C14orf39: variants seen among roughly 807,000 people sequenced by gnomAD.
C14orf39 encodes chromosome 14 open reading frame 39, also known as protein SIX6OS1.
A neutral mutation model predicts 85.6 loss-of-function variants in C14orf39; 66 were observed. The observed-to-expected ratio is 0.77, with a 90% CI of 0.63 to 0.95. The LOEUF is 0.95. Among genes scored for constraint, C14orf39 ranks in the 40% least tolerant of loss-of-function variants. The pLI, the probability that C14orf39 is intolerant of heterozygous loss-of-function variation, is 0.00. For missense variants in C14orf39, 735 were observed against 663.9 expected (o/e 1.11, Z -1.18); for synonymous variants, 242 against 214.0 (o/e 1.13, Z -1.14).
chr14:60,469,789 G>A, intron 7 of C14orf39, 136 bp from the exon 8 acceptor site: 1 of 413,508 alleles, frequency 2.4e-6, no homozygotes, highest in East Asian at 4.4e-5. Context: ...ATTAAAAACA[G>A]TATCTGAAAA....
chr14:60,471,126 T>C (rs7155442), intron 7 of C14orf39, among the ~76,000 whole-genome samples: 95,051 of 150,944 alleles, frequency 0.63, 30,918 homozygotes, highest in Admixed American at 0.71. Flanking sequence ...TTAACTGGAA[T>C]TTTCTTTGGT....
rs760565947 is a variant in C14orf39, at chr14:60,471,451, G to A, written c.520C>T (p.Pro174Ser). Residue 174 changes from proline to serine, a missense_variant, in exon 7 of 18, where the codon CCC (proline) becomes TCC (serine). By Grantham distance (74) the Pro-to-Ser change is moderately conservative. Coordinates refer to ENST00000321731, the MANE Select transcript of C14orf39 (RefSeq NM_174978.3). ...GTCCATTTAGTAAGTGATGGAAAGG[G>A]AGCAGGCACTGAAAAATAAAGTCAC... ...TIFMKFRVPAPFPSLTKWTLN... is the reference protein window; with the variant it reads ...TIFMKFRVPASFPSLTKWTLN... 6 of 1,599,972 alleles carry A rather than the reference G, an allele frequency of 3.8e-6. No individual in the cohort carries two copies. The highest frequency in any genetic ancestry group is 5.1e-6 in the Non-Finnish European group (6 of 1,173,300).
chr14:60,475,506 G>A (rs1484054510), intron 5 of C14orf39, among the ~76,000 whole-genome samples: 2 of 151,796 alleles, frequency 1.3e-5, no homozygotes, highest in African/African-American at 2.4e-5. Context: ...TTAAATTATT[G>A]AAAAAATCAA....
chr14:60,442,238 G>T (rs1248722239), intron 16 of C14orf39, 107 bp from the exon 17 acceptor site: 1 of 639,770 alleles, frequency 1.6e-6, no homozygotes, highest in Non-Finnish European at 2.7e-6. Flanking sequence ...CAGAATTAAA[G>T]TAGACATATG....
intron 5 of C14orf39, among the ~76,000 whole-genome samples, chr14:60,477,156 C>G (rs1892415781): frequency 6.6e-6 from 1 of 152,128 alleles, no homozygotes; most frequent in Non-Finnish European, 1.5e-5. Context: ...CAAGACAAGT[C>G]TCCTTCACTG....
At position 60,509,329 on chromosome 14, in the gene C14orf39, C is replaced by G; in HGVS notation, c.-144+6066G>C. ...TCAACAAGCGCCTGGCACACTCAGCCAGGCCCGCGGGCATCTGCTGCGTGT... is the reference window on the plus strand; with the variant it reads ...TCAACAAGCGCCTGGCACACTCAGCGAGGCCCGCGGGCATCTGCTGCGTGT... On this transcript the variant is annotated intron_variant, in intron 1 of 5. Coordinates refer to the C14orf39 transcript ENST00000556799. The G allele has an allele frequency of 5.9e-6, 8 of 1,356,210 alleles. 1 individual carries two copies. The highest frequency in any genetic ancestry group is 8.3e-6 in the Non-Finnish European group (8 of 959,860). 84.0% of individuals were successfully genotyped at this position (1,356,210 alleles called of 1,614,324 possible).
chr14:60,464,348 C>G lies in C14orf39; in HGVS notation c.972+1631G>C, dbSNP rs914821522. Among the ~76,000 whole-genome samples, 31 of 152,054 alleles carry G rather than the reference C, an allele frequency of 2.0e-4. 1 individual carries two copies. The highest frequency in any genetic ancestry group is 1.5e-5 in the Non-Finnish European group (1 of 67,988). ...TTATGGCAAGTAAGAGAAAAACAAA[C>G]GTTTATCTTGTTTAAGATGCTATTA... is the stretch of plus-strand genomic sequence containing the variant. On this transcript the variant is annotated intron_variant, in intron 11 of 17. Transcript: ENST00000321731.
intron 2 of C14orf39, among the ~76,000 whole-genome samples, chr14:60,498,903 A>C (rs1276694993): frequency 6.6e-6 from 1 of 152,194 alleles, no homozygotes; most frequent in Non-Finnish European, 1.5e-5. Context: ...ACATTGACAA[A>C]CTGATCTTAA....
At chr14:60,456,026 T>C (rs1319461531) in intron 15 of C14orf39, among the ~76,000 whole-genome samples, 1 of 152,130 alleles carries the variant, frequency 6.6e-6, no homozygotes, top group East Asian at 1.9e-4. Flanking sequence ...ATGAGTTCCA[T>C]TTCGAATGTG....
chr14:60,492,709 G>A (rs974399678), intron 2 of C14orf39, among the ~76,000 whole-genome samples: 1 of 152,110 alleles, frequency 6.6e-6, no homozygotes, highest in Non-Finnish European at 1.5e-5. Flanking sequence ...CTTGAACCTG[G>A]GAGGCGGAAG....
At position 60,456,898 on chromosome 14, in the gene C14orf39, T is replaced by A; in HGVS notation, c.1358+19A>T. The A allele has an allele frequency of 6.5e-7, 1 of 1,531,146 alleles. No individual in the cohort carries two copies. Among genetic ancestry groups the A allele is most frequent in the Non-Finnish European group, 8.8e-7 (1 of 1,137,890 alleles). The allele number at this position is 1,531,146 out of a possible 1,614,324, so 94.8% of individuals were successfully genotyped here. On this transcript the variant is annotated intron_variant, in intron 15 of 17. Transcript: ENST00000321731. ...CAACATACAAATAATTTAACAATAG[T>A]TATTAATTAAAATCCTACATTTCGA...
At chr14:60,468,424 A>T in intron 9 of C14orf39, 21 bp downstream of exon 9, 1 of 1,434,146 alleles carries the variant, frequency 7.0e-7, no homozygotes, top group Non-Finnish European at 9.5e-7. Flanking sequence ...CATAAAATTT[A>T]ATTTTAAAGG....
At chr14:60,455,647 A>G (rs1891240169) in intron 15 of C14orf39, among the ~76,000 whole-genome samples, 1 of 152,078 alleles carries the variant, frequency 6.6e-6, no homozygotes, top group Non-Finnish European at 1.5e-5. Flanking sequence ...ATTAGACAAG[A>G]CAGTTTATAC....
intron 1 of C14orf39, among the ~76,000 whole-genome samples, chr14:60,485,464 C>A (rs1892840182): frequency 6.6e-6 from 1 of 152,208 alleles, no homozygotes; most frequent in South Asian, 2.1e-4. Flanking sequence ...CCCTTGGTGG[C>A]GTGTGTACAA....
intron 16 of C14orf39, among the ~76,000 whole-genome samples, chr14:60,443,740 A>G (rs1231732311): frequency 1.3e-5 from 2 of 152,336 alleles, no homozygotes; most frequent in African/African-American, 4.8e-5. Context: ...CCTGACTCCC[A>G]TGTAGCCTGA....
chr14:60,438,467 A>G (rs192631689), intron 17 of C14orf39, among the ~76,000 whole-genome samples: 2 of 152,260 alleles, frequency 1.3e-5, no homozygotes, highest in Non-Finnish European at 2.9e-5. Context: ...TTAATTTCAC[A>G]AGAAGTTCAT....
Position 60,468,611 on chromosome 14 carries a change from G to GT in C14orf39, c.676-76dup, listed in dbSNP as rs1275055354. On this transcript the variant is annotated intron_variant, in intron 8 of 17. Transcript: ENST00000321731. ...TAAAAAAAGATATGCTTTATCTTATGTTTTTTCTATATAATCATAAGATTC... is the reference window on the plus strand; with the variant it reads ...TAAAAAAAGATATGCTTTATCTTATGTTTTTTTCTATATAATCATAAGATTC... 36 of 765,580 alleles carry GT rather than the reference G, an allele frequency of 4.7e-5. No individual in the cohort carries two copies. In the Middle Eastern group the frequency reaches 2.5e-3, roughly 54 times the overall value. The allele number at this position is 765,580 out of a possible 1,614,324, so 47.4% of individuals were successfully genotyped here. A position where few individuals can be genotyped will look rare whatever the true frequency, so the allele number is the denominator to read the frequency against.
intron 5 of C14orf39, among the ~76,000 whole-genome samples, chr14:60,475,040 T>C (rs1892302549): frequency 6.6e-6 from 1 of 152,204 alleles, no homozygotes; most frequent in African/African-American, 2.4e-5. Context: ...CTGGACTTTT[T>C]TGGTTGGTAA....
intron 11 of C14orf39, among the ~76,000 whole-genome samples, chr14:60,464,942 T>G (rs1042112530): frequency 6.6e-6 from 1 of 152,124 alleles, no homozygotes; most frequent in African/African-American, 2.4e-5. Context: ...TTGGTCTAAT[T>G]AATTTTGCCT....
Sources: allele counts gnomAD v4.1 joint callset (sites outside exome capture counted in the v4.1 genomes callset), GRCh38; gene constraint gnomAD v4.1.1; transcripts MANE v1.5; gene names NCBI Gene and HGNC (gene_info 2026-07-23, HGNC 2026-07-21).